Variants in BCHE observed in about 807,000 individuals in gnomAD.
BCHE encodes the protein cholinesterase.
BCHE carries 48 observed loss-of-function variants against 51.3 expected under a neutral mutation model. The ratio of observed to expected loss-of-function variants is 0.94; its 90% CI spans 0.74 to 1.19. BCHE has a LOEUF of 1.19. Among genes scored for constraint, BCHE ranks in the 50% most tolerant of loss-of-function variants. The pLI is 0.00. For missense variants in BCHE, 847 were observed against 708.2 expected (o/e 1.20, Z -2.23); for synonymous variants, 251 against 238.0 (o/e 1.05, Z -0.50).
At chr3:165,777,723 A>T (rs1712527021) in intron 3 of BCHE, 3 of 440,720 alleles carry the variant, frequency 6.8e-6, no homozygotes, top group African/African-American at 2.0e-5. Flanking sequence ...TTACATGTGG[A>T]TTTTCTTCCA....
chr3:165,773,568 T>A (rs752444958), intron 3 of BCHE, 62 bp from the exon 4 acceptor site: 22 of 1,446,368 alleles, frequency 1.5e-5, no homozygotes, highest in Non-Finnish European at 1.8e-5. Flanking sequence ...AACTGAAAAA[T>A]AATTTCGAAT....
intron 3 of BCHE, among the ~76,000 whole-genome samples, chr3:165,773,774 TA>T (rs1366031005): frequency 7.2e-6 from 1 of 138,318 alleles, no homozygotes; most frequent in Non-Finnish European, 1.6e-5. Context: ...TATATTGTAT[TA>T]TGTATAATTA....
chr3:165,809,404 GT>G (rs201788993), intron 2 of BCHE, among the ~76,000 whole-genome samples: 11 of 151,712 alleles, frequency 7.3e-5, no homozygotes, highest in Non-Finnish European at 1.2e-4. Flanking sequence ...ATGTTCATGT[GT>G]TTTTTTTGTA....
chr3:165,836,543 C>T (rs1239564442), intron 1 of BCHE, among the ~76,000 whole-genome samples: 1 of 151,674 alleles, frequency 6.6e-6, no homozygotes, highest in Non-Finnish European at 1.5e-5. Context: ...TTTTATAATC[C>T]TTAATATTTA....
At chr3:165,821,519 A>G (rs1714516940) in intron 2 of BCHE, among the ~76,000 whole-genome samples, 1 of 151,794 alleles carries the variant, frequency 6.6e-6, no homozygotes, top group South Asian at 2.1e-4. Flanking sequence ...ATTTCAATCC[A>G]TTTTTTACTG....
chr3:165,775,949 T>G (rs937701184), intron 3 of BCHE, among the ~76,000 whole-genome samples: 1 of 151,964 alleles, frequency 6.6e-6, no homozygotes, highest in Admixed American at 6.6e-5. Flanking sequence ...CTCTCTTTCT[T>G]TGTCTTCTTA....
chr3:165,772,973 T>C lies in BCHE; in HGVS notation c.*409A>G, dbSNP rs1712309719. ...CTTATTTTAATTAGGAAACATAATA[T>C]TGTAAACTATGGTGTACAGTGTTTC... is the stretch of plus-strand genomic sequence containing the variant. On this transcript the variant is annotated 3_prime_UTR_variant, in exon 4 of 4. Coordinates refer to ENST00000264381, the MANE Select transcript of BCHE (RefSeq NM_000055.4). 1 of 153,806 alleles carries C rather than the reference T, an allele frequency of 6.5e-6. No individual in the cohort carries two copies. The highest frequency in any genetic ancestry group is 6.5e-5 in the Admixed American group (1 of 15,378). The allele number at this position is 153,806 out of a possible 1,614,324, so 9.5% of individuals were successfully genotyped here.
chr3:165,796,268 G>A (rs1297741756), intron 2 of BCHE, among the ~76,000 whole-genome samples: 1 of 152,056 alleles, frequency 6.6e-6, no homozygotes, highest in African/African-American at 2.4e-5. Flanking sequence ...ATATAATATA[G>A]CTTGACATCT....
intron 2 of BCHE, among the ~76,000 whole-genome samples, chr3:165,806,513 A>AT (rs1182183377): frequency 6.6e-6 from 1 of 152,168 alleles, no homozygotes; most frequent in East Asian, 1.9e-4. Context: ...TTACTCTACG[A>AT]TATATTCATA....
intron 2 of BCHE, among the ~76,000 whole-genome samples, chr3:165,808,582 T>C (rs556780401): frequency 5.9e-5 from 9 of 152,282 alleles, no homozygotes; most frequent in African/African-American, 1.9e-4. Flanking sequence ...AATTTGGTTT[T>C]TTATAAACAT....
chr3:165,831,128 C>T lies in BCHE; in HGVS notation c.-8-87G>A, dbSNP rs529017162. The T allele has an allele frequency of 2.8e-5, 33 of 1,169,910 alleles. No individual in the cohort carries two copies. The African/African-American group carries it at 4.8e-4, about 17-fold the overall frequency. The allele number at this position is 1,169,910 out of a possible 1,614,324, so 72.5% of individuals were successfully genotyped here. A position where few individuals can be genotyped will look rare whatever the true frequency, so the allele number is the denominator to read the frequency against. On this transcript the variant is annotated intron_variant, in intron 1 of 3. Transcript: ENST00000264381. The stretch of plus-strand genomic sequence containing the variant: ...TGATGATAATTACCTAAAATATAGT[C>T]GTTAGTAATTCTACAAATTATGAAA...
At chr3:165,776,636 A>G (rs1049579148) in intron 3 of BCHE, among the ~76,000 whole-genome samples, 9 of 151,660 alleles carry the variant, frequency 5.9e-5, no homozygotes, top group Admixed American at 4.6e-4. Flanking sequence ...GAAATAAAGA[A>G]CCCTAACTTG....
At chr3:165,836,007 G>C (rs189959824) in intron 1 of BCHE, among the ~76,000 whole-genome samples, 1 of 151,790 alleles carries the variant, frequency 6.6e-6, no homozygotes, top group East Asian at 1.9e-4. Flanking sequence ...GAAATGACTC[G>C]AAGAAGGAAC....
intron 2 of BCHE, among the ~76,000 whole-genome samples, chr3:165,806,567 G>A (rs1417316116): frequency 3.9e-5 from 6 of 151,902 alleles, no homozygotes; most frequent in Non-Finnish European, 8.8e-5. Context: ...CACAGTTGGT[G>A]CTCAATAAAT....
At chr3:165,808,470 G>A (rs528568069) in intron 2 of BCHE, among the ~76,000 whole-genome samples, 8 of 151,568 alleles carry the variant, frequency 5.3e-5, no homozygotes, top group Non-Finnish European at 1.2e-4. Flanking sequence ...CCTTTTAGTA[G>A]CTGTTGATAT....
chr3:165,795,007 A>C (rs965165510), intron 2 of BCHE, among the ~76,000 whole-genome samples: 2 of 152,172 alleles, frequency 1.3e-5, no homozygotes, highest in Non-Finnish European at 2.9e-5. Context: ...TATACACTGA[A>C]AAAAATGGTT....
At chr3:165,812,431 A>G (rs2108222630) in intron 2 of BCHE, among the ~76,000 whole-genome samples, 1 of 151,976 alleles carries the variant, frequency 6.6e-6, no homozygotes, top group African/African-American at 2.4e-5. Context: ...CTAACCATTT[A>G]TTTTGCATGT....
chr3:165,834,286 T>C (rs866649820), intron 1 of BCHE, among the ~76,000 whole-genome samples: 3 of 152,038 alleles, frequency 2.0e-5, no homozygotes, highest in African/African-American at 4.8e-5. Flanking sequence ...TCTTGTTATA[T>C]AATAATATGG....
chr3:165,829,477 C>A, intron 2 of BCHE, 40 bp downstream of exon 2: 2 of 1,557,726 alleles, frequency 1.3e-6, no homozygotes, highest in South Asian at 1.1e-5. Flanking sequence ...CAAAACGGAT[C>A]AAACCAAGCC....
Sources: allele counts gnomAD v4.1 joint callset (sites outside exome capture counted in the v4.1 genomes callset), GRCh38; gene constraint gnomAD v4.1.1; transcripts MANE v1.5; gene names NCBI Gene and HGNC (gene_info 2026-07-23, HGNC 2026-07-21).